Variants in DEPDC4 observed in about 807,000 individuals in gnomAD.
DEPDC4 encodes DEP domain-containing protein 4.
DEPDC4 carries 52 observed loss-of-function variants against 52.0 expected under a neutral mutation model. The ratio of observed to expected loss-of-function variants is 1.00; its 90% confidence interval spans 0.80 to 1.26. The LOEUF is 1.26. DEPDC4 is among the 50% of genes most tolerant of loss of function. The pLI, the probability that DEPDC4 is intolerant of heterozygous loss-of-function variation, is 0.00. For missense variants in DEPDC4, 530 were observed against 546.9 expected, an observed-to-expected ratio of 0.97 and a Z score of 0.31; for synonymous variants, 201 against 196.8, an observed-to-expected ratio of 1.02 and a Z score of -0.18.
the DEPDC4 span, among the ~76,000 whole-genome samples, chr12:100,281,033 T>G: frequency 7.4e-5 from 10 of 135,098 alleles, no homozygotes; most frequent in African/African-American, 2.5e-4. Flanking sequence ...TTTTTTTTTT[T>G]TTTTTTTTTT....
At chr12:100,246,475 GCTT>G (rs1433793406) in intron 8 of DEPDC4, among the ~76,000 whole-genome samples, 1 of 152,150 alleles carries the variant, frequency 6.6e-6, no homozygotes, top group Non-Finnish European at 1.5e-5. Context: ...TAGAATGTGA[GCTT>G]ATTGCAAGCA....
chr12:100,260,265 C>G (rs2096249188), intron 3 of DEPDC4, among the ~76,000 whole-genome samples: 1 of 151,766 alleles, frequency 6.6e-6, no homozygotes, highest in Non-Finnish European at 1.5e-5. Flanking sequence ...GGATTATAGG[C>G]ACGCACCACG....
At chr12:100,247,862 T>A (rs942924635) in intron 8 of DEPDC4, among the ~76,000 whole-genome samples, 9 of 152,198 alleles carry the variant, frequency 5.9e-5, no homozygotes, top group Non-Finnish European at 1.3e-4. Flanking sequence ...TCTGTAAATG[T>A]TCTTTCCAAC....
chr12:100,253,657 T>C lies in DEPDC4; in HGVS notation c.937A>G (p.Ile313Val). 1 of 1,290,004 alleles carries C rather than the reference T, an allele frequency of 7.8e-7. No homozygotes were observed. The highest frequency in any genetic ancestry group is 1.2e-5 in the South Asian group (1 of 81,008). The allele number at this position is 1,290,004 out of a possible 1,614,324, so 79.9% of individuals were successfully genotyped here. A position where few individuals can be genotyped will look rare whatever the true frequency, so the allele number is the denominator to read the frequency against. ...ATTAACTGCTGACTAACTGTAACTA[T>C]TAACTGGTCAGGGAAATACTCCAAG... is the stretch of plus-strand genomic sequence containing the variant. ...ECLEYFPDQLIVTVSQQLMQN... is the reference protein window; with the variant it reads ...ECLEYFPDQLVVTVSQQLMQN... Residue 313 changes from isoleucine (I) to valine (V), a missense_variant, in exon 5 of 10, where the codon ATA becomes GTA. By Grantham distance (29) the Ile-to-Val change is conservative (BLOSUM62 3). Transcript: ENST00000550587.
rs184383750 is a variant in DEPDC4, at chr12:100,261,351, A to G, written c.700+913T>C. Among the ~76,000 whole-genome samples the G allele has an allele frequency of 1.6e-4, 25 of 152,282 alleles. No individual in the cohort carries two copies. In the East Asian group the frequency reaches 3.7e-3, roughly 22 times the overall value. Reference sequence around the variant, plus strand: ...TCTTGCTTCTGTCATGGTTTGACCAAATGGAGTAAAGGGCCATTAATGAAT... The same window carrying G: ...TCTTGCTTCTGTCATGGTTTGACCAGATGGAGTAAAGGGCCATTAATGAAT... On this transcript the variant is annotated intron_variant, in intron 3 of 9. Coordinates refer to ENST00000550587, the MANE Select transcript of DEPDC4 (RefSeq NM_001364818.2).
chr12:100,252,469 A>G lies in DEPDC4; in HGVS notation c.1173T>C (p.Ile391=). 5.6e-6 allele frequency: 9 copies of G among 1,607,968 alleles called. No individual in the cohort carries two copies. Among genetic ancestry groups the G allele is most frequent in the Non-Finnish European group, 7.6e-6 (9 of 1,179,802 alleles). ...TAAGTAGCCGTCGTAATTCTTCTCT[A>G]ATGTTCAGCAACAGCAATCTTAGAT... is the stretch of plus-strand genomic sequence containing the variant. ...QLYLRLLLLN[I]REELRRLLTF... Residue 391 remains isoleucine, a synonymous_variant, in exon 6 of 10, where the codon ATT becomes ATC. Coordinates refer to ENST00000550587, the MANE Select transcript of DEPDC4 (RefSeq NM_001364818.2).
At chr12:100,256,022 T>A in intron 4 of DEPDC4, 27 bp downstream of exon 4, 1 of 1,546,530 alleles carries the variant, frequency 6.5e-7, no homozygotes, top group Non-Finnish European at 8.8e-7. Context: ...GTTTACAAAT[T>A]ATTTGACAAT....
chr12:100,245,136 C>T (rs1368586248), intron 8 of DEPDC4, among the ~76,000 whole-genome samples: 1 of 152,052 alleles, frequency 6.6e-6, no homozygotes, highest in African/African-American at 2.4e-5. Context: ...TCCCAAAATG[C>T]TGGGATTACA....
the DEPDC4 span, among the ~76,000 whole-genome samples, chr12:100,281,306 A>T: frequency 1.3e-5 from 2 of 152,226 alleles, no homozygotes; most frequent in East Asian, 3.9e-4. Flanking sequence ...TGGGATTACA[A>T]GCCTGAATGC....
At chr12:100,275,185 A>G in the DEPDC4 span, among the ~76,000 whole-genome samples, 1 of 152,100 alleles carries the variant, frequency 6.6e-6, no homozygotes, top group African/African-American at 2.4e-5. Context: ...GTAGAAATAC[A>G]TAGAAATGCA....
At chr12:100,270,161 T>A (rs545836326), upstream of DEPDC4, among the ~76,000 whole-genome samples, 1 of 152,194 alleles carries the variant, frequency 6.6e-6, no homozygotes, top group Admixed American at 6.5e-5. Context: ...TAATTTTTTG[T>A]ATTTTTAGTA....
chr12:100,238,529 C>A (rs1412765175), downstream of DEPDC4, among the ~76,000 whole-genome samples: 2 of 142,012 alleles, frequency 1.4e-5, no homozygotes, highest in East Asian at 4.1e-4. Context: ...TTTTTTTGCC[C>A]AGGCTGGTGT....
intron 7 of DEPDC4, among the ~76,000 whole-genome samples, chr12:100,250,987 C>T (rs1429967706): frequency 6.6e-6 from 1 of 151,878 alleles, no homozygotes; most frequent in Admixed American, 6.6e-5. Flanking sequence ...ATGGGACTGC[C>T]TCTATTGTAT....
chr12:100,236,861 A>G (rs1240232293), downstream of DEPDC4, among the ~76,000 whole-genome samples: 1 of 152,184 alleles, frequency 6.6e-6, no homozygotes, highest in Non-Finnish European at 1.5e-5. Context: ...TTTTTGTATA[A>G]GGTGAGAGAT....
At chr12:100,231,822 G>A (rs182722849) in intron 9 of DEPDC4, among the ~76,000 whole-genome samples, 141 of 152,134 alleles carry the variant, frequency 9.3e-4, no homozygotes, top group African/African-American at 3.2e-3. Flanking sequence ...GGTCACGCTT[G>A]TAGTACCAGC....
chr12:100,261,317 C>T (rs2096252959), intron 3 of DEPDC4, among the ~76,000 whole-genome samples: 1 of 152,078 alleles, frequency 6.6e-6, no homozygotes, highest in Non-Finnish European at 1.5e-5. Context: ...GTGTGCAAGT[C>T]ATAGCTAGTC....
downstream of DEPDC4, among the ~76,000 whole-genome samples, chr12:100,238,532 G>A (rs1008814118): frequency 7.2e-6 from 1 of 138,828 alleles, no homozygotes. Flanking sequence ...TTTTGCCCAG[G>A]CTGGTGTGCA....
At chr12:100,250,073 C>A (rs1354937863) in intron 7 of DEPDC4, among the ~76,000 whole-genome samples, 1 of 152,138 alleles carries the variant, frequency 6.6e-6, no homozygotes, top group South Asian at 2.1e-4. Flanking sequence ...CCACCTCAGC[C>A]TCCCTGAAAT....
chr12:100,279,196 C>T, the DEPDC4 span, among the ~76,000 whole-genome samples: 1 of 152,182 alleles, frequency 6.6e-6, no homozygotes, highest in Non-Finnish European at 1.5e-5. Flanking sequence ...GGGTGAAACT[C>T]TTCTACCTCA....
Sources: gnomAD v4.1 joint callset for allele counts (sites outside exome capture counted in the v4.1 genomes callset) on GRCh38, gnomAD v4.1.1 for gene constraint, MANE v1.5 for transcripts, NCBI Gene and HGNC (gene_info 2026-07-23, HGNC 2026-07-21) for gene names.